NOL6: variants seen among roughly 807,000 people sequenced by gnomAD.
NOL6 encodes the protein nucleolar protein 6.
Under a neutral mutation model 131.7 loss-of-function variants are expected in NOL6, and 33 were observed. The ratio of observed to expected loss-of-function variants is 0.25; its 90% CI spans 0.19 to 0.33. NOL6 has a LOEUF of 0.33. Among genes scored for constraint, NOL6 ranks in the 10% least tolerant of loss-of-function variants. The probability of loss-of-function intolerance (pLI) is 1.00; values close to 1 mark genes in which losing one functional copy is unlikely to be tolerated. For synonymous variants in NOL6, 580 were observed against 605.7 expected (o/e 0.96, Z 0.62); for missense variants, 1,297 against 1,494.5 (o/e 0.87, Z 2.18).
Position 33,465,784 on chromosome 9 carries a change from G to A in NOL6, c.2478C>T (p.Arg826=), listed in dbSNP as rs764564756. ...GCAACTGCCTTGTGTCTCTCTCAAG[G>A]CGGAGGGAGGCAGCTGTGTCCCTCA... ...ISLRDTAASL[R]LERDTRQLPL... Residue 826 remains arginine (R), a synonymous_variant, in exon 19 of 26, where the codon CGC becomes CGT. Coordinates refer to ENST00000297990, the MANE Select transcript of NOL6 (RefSeq NM_022917.5). 1 of 1,613,850 alleles carries A rather than the reference G, an allele frequency of 6.2e-7. No individual in the cohort carries two copies. The highest frequency in any genetic ancestry group is 2.2e-5 in the East Asian group (1 of 44,872).
Position 33,462,203 on chromosome 9 carries a change from T to C in NOL6, c.*461A>G. 1.4e-6 allele frequency: 1 copy of C among 717,458 alleles called. No individual in the cohort carries two copies. The highest frequency in any genetic ancestry group is 2.6e-6 in the Non-Finnish European group (1 of 385,100). The allele number at this position is 717,458 out of a possible 1,614,324, so 44.4% of individuals were successfully genotyped here. ...TGACTCAGAAGGGCCACATTTTCGCTGGGTCCCATCTAAAGGCCTGACACT... is the reference window on the plus strand; with the variant it reads ...TGACTCAGAAGGGCCACATTTTCGCCGGGTCCCATCTAAAGGCCTGACACT... On this transcript the variant is annotated 3_prime_UTR_variant, in exon 26 of 26. Transcript: ENST00000297990.
intron 18 of NOL6, 40 bp downstream of exon 18, chr9:33,466,031 C>T: frequency 6.4e-7 from 1 of 1,561,068 alleles, no homozygotes; most frequent in Non-Finnish European, 8.7e-7. Context: ...TCCCTGGTGC[C>T]CCCCTTCCCT....
At chr9:33,462,922 A>G (rs1587213085) in intron 25 of NOL6, 109 bp from the exon 26 acceptor site, 5 of 1,545,736 alleles carry the variant, frequency 3.2e-6, no homozygotes, top group African/African-American at 1.4e-5. Context: ...AAGCCCATAC[A>G]CTCCGCACCT....
chr9:33,462,721 C>A lies in NOL6; in HGVS notation c.3384G>T (p.Val1128=). Residue 1128 remains valine, a synonymous_variant, in exon 26 of 26, where the codon GTG becomes GTT. Coordinates refer to ENST00000297990, the MANE Select transcript of NOL6 (RefSeq NM_022917.5). ...NVEAILEDFA[V]LGEGLVQTVE... is the part of the protein sequence containing the mutation. ...CAGTCTGCACCAGGCCTTCACCCAG[C>A]ACAGCAAAGTCCTCCAGGATTGCTT... is the stretch of plus-strand genomic sequence containing the variant. 1 of 1,614,184 alleles carries A rather than the reference C, an allele frequency of 6.2e-7. No homozygotes were observed. Among genetic ancestry groups the A allele is most frequent in the Non-Finnish European group, 8.5e-7 (1 of 1,180,040 alleles).
chr9:33,464,242 C>T, intron 21 of NOL6, 81 bp from the exon 22 acceptor site: 3 of 1,476,744 alleles, frequency 2.0e-6, no homozygotes, highest in Non-Finnish European at 2.7e-6. Context: ...CCTACGGTGC[C>T]CCCAACGGCT....
chr9:33,462,016 CA>C lies in NOL6; in HGVS notation c.*647del. 1 of 640,560 alleles carries C rather than the reference CA, an allele frequency of 1.6e-6. No individual in the cohort carries two copies. Among genetic ancestry groups the C allele is most frequent in the Non-Finnish European group, 2.9e-6 (1 of 343,636 alleles). 39.7% of individuals were successfully genotyped at this position (640,560 alleles called of 1,614,324 possible). A position where few individuals can be genotyped will look rare whatever the true frequency, so the allele number is the denominator to read the frequency against. Reference sequence around the variant, plus strand: ...CACCTCTCCAAGATTGGGTGACTACCAGTCCCCTGACCCCTTCACCTACCCA... The same window carrying C: ...CACCTCTCCAAGATTGGGTGACTACCGTCCCCTGACCCCTTCACCTACCCA... On this transcript the variant is annotated 3_prime_UTR_variant, in exon 26 of 26. Transcript: ENST00000297990.
At chr9:33,470,789 A>ATTTT (rs1827391386) in intron 3 of NOL6, 3 of 151,630 alleles carry the variant, frequency 2.0e-5, no homozygotes, top group Admixed American at 6.6e-5. Flanking sequence ...AGATTTAAAA[A>ATTTT]AAAAAAAAAA....
intron 3 of NOL6, chr9:33,470,400 C>T (rs1044400556): frequency 7.5e-6 from 3 of 402,428 alleles, no homozygotes; most frequent in Non-Finnish European, 1.3e-5. Flanking sequence ...GTTAAGAATA[C>T]CCATTTTACG....
intron 18 of NOL6, 44 bp from the exon 19 acceptor site, chr9:33,465,941 AACCCCGGG>A: frequency 6.3e-7 from 1 of 1,599,970 alleles, no homozygotes; most frequent in Non-Finnish European, 8.5e-7. Context: ...GTCAGCCCAG[AACCCCGGG>A]AGTACTCTGT....
At chr9:33,465,409 G>A (rs772652064) in intron 19 of NOL6, 50 bp from the exon 20 acceptor site, 1 of 1,538,112 alleles carries the variant, frequency 6.5e-7, no homozygotes, top group Non-Finnish European at 8.8e-7. Flanking sequence ...CACTGCCACT[G>A]TTCATCCAGC....
In NOL6 at chr9:33,462,412, G is replaced by A; in HGVS notation, c.*252C>T. 4.9e-6 allele frequency: 3 copies of A among 615,296 alleles called. No individual in the cohort carries two copies. The highest frequency in any genetic ancestry group is 2.9e-6 in the Non-Finnish European group (1 of 343,910). 38.1% of individuals were successfully genotyped at this position (615,296 alleles called of 1,614,324 possible). A position where few individuals can be genotyped will look rare whatever the true frequency, so the allele number is the denominator to read the frequency against. On this transcript the variant is annotated 3_prime_UTR_variant, in exon 26 of 26. Transcript: ENST00000297990. ...ATCTCCTGGGTTCAGTTCCTTCTCT[G>A]AGCTGGCTCCCACTCCTCTTCTGGG...
chr9:33,464,183 G>C, intron 21 of NOL6, 22 bp from the exon 22 acceptor site: 1 of 1,587,846 alleles, frequency 6.3e-7, no homozygotes, highest in African/African-American at 1.3e-5. Context: ...AATGGGTCCT[G>C]GGTCAGCCTG....
intron 18 of NOL6, 54 bp downstream of exon 18, chr9:33,466,017 G>T: frequency 1.3e-6 from 2 of 1,559,398 alleles, no homozygotes; most frequent in South Asian, 2.4e-5. Context: ...TCCACGCCCT[G>T]ACATCCCTGG....
chr9:33,473,317 C>T (rs1284192089), intron 1 of NOL6, among the ~76,000 whole-genome samples: 1 of 152,250 alleles, frequency 6.6e-6, no homozygotes, highest in Non-Finnish European at 1.5e-5. Flanking sequence ...GAGCAGGCTT[C>T]AAAGGCAAGC....
At position 33,469,530 on chromosome 9, in the gene NOL6, G is replaced by A; in HGVS notation, c.696C>T (p.His232=). 6.2e-7 allele frequency: 1 copy of A among 1,610,340 alleles called. No homozygotes were observed. Among genetic ancestry groups the A allele is most frequent in the Non-Finnish European group, 8.5e-7 (1 of 1,178,664 alleles). Residue 232 remains histidine, a synonymous_variant, in exon 5 of 26, where the codon CAC becomes CAT. Coordinates refer to ENST00000297990, the MANE Select transcript of NOL6 (RefSeq NM_022917.5). The stretch of plus-strand genomic sequence containing the variant: ...GCCGCAGCAACAGTGAGGGTTTCAG[G>A]TGGCAGCCATTTGTGTAGGAGAAGC... ...SVCFSYTNGC[H]LKPSLLLRPR... is the part of the protein sequence containing the mutation.
Position 33,468,580 on chromosome 9 carries a change from C to A in NOL6, c.1148-14G>T. ...GGTCTGTAGTGGCTGAAGTGAATCACAAGTGTATTAGAAGGTATCCCCTTC... is the reference window on the plus strand; with the variant it reads ...GGTCTGTAGTGGCTGAAGTGAATCAAAAGTGTATTAGAAGGTATCCCCTTC... On this transcript the variant is annotated splice_polypyrimidine_tract_variant and intron_variant, in intron 8 of 25. Coordinates refer to ENST00000297990, the MANE Select transcript of NOL6 (RefSeq NM_022917.5). 1 of 1,613,942 alleles carries A rather than the reference C, an allele frequency of 6.2e-7. No homozygotes were observed. The highest frequency in any genetic ancestry group is 8.5e-7 in the Non-Finnish European group (1 of 1,179,832).
chr9:33,464,202 T>C (rs1827179345), intron 21 of NOL6, 41 bp from the exon 22 acceptor site: 1 of 1,564,148 alleles, frequency 6.4e-7, no homozygotes. Context: ...TGCTCCTCCC[T>C]GTAAGACACC....
intron 2 of NOL6, 27 bp from the exon 3 acceptor site, chr9:33,472,147 A>G (rs1827428682): frequency 1.2e-6 from 2 of 1,613,302 alleles, no homozygotes; most frequent in African/African-American, 2.7e-5. Context: ...AAGACAGTCC[A>G]TCAGCCTCAG....
rs1827314786 is a variant in NOL6, at chr9:33,468,569, G to A, written c.1148-3C>T. 2 of 1,614,078 alleles carry A rather than the reference G, an allele frequency of 1.2e-6. No individual in the cohort carries two copies. Among genetic ancestry groups the A allele is most frequent in the Non-Finnish European group, 1.7e-6 (2 of 1,179,938 alleles). On this transcript the variant is annotated splice_polypyrimidine_tract_variant and splice_region_variant and intron_variant, in intron 8 of 25. Transcript: ENST00000297990. ...GTTGACTGTCAGGTCTGTAGTGGCT[G>A]AAGTGAATCACAAGTGTATTAGAAG... is the stretch of plus-strand genomic sequence containing the variant.
Sources: gnomAD v4.1 joint callset for allele counts (sites outside exome capture counted in the v4.1 genomes callset) on GRCh38, gnomAD v4.1.1 for gene constraint, MANE v1.5 for transcripts, NCBI Gene and HGNC (gene_info 2026-07-23, HGNC 2026-07-21) for gene names.